The following JKAMP variants were observed in gnomAD, a reference collection of about 807,000 sequenced individuals.
JKAMP encodes JNK1/MAPK8 associated membrane protein.
In JKAMP, 20 loss-of-function variants were observed where a neutral mutation model predicts 40.2. The ratio of observed to expected loss-of-function variants is 0.50; its 90% confidence interval spans 0.35 to 0.72. JKAMP has a LOEUF of 0.72. Among genes scored for constraint, JKAMP ranks in the 30% least tolerant of loss-of-function variants. The pLI is 0.01. For synonymous variants in JKAMP, 138 were observed against 131.6 expected (o/e 1.05, Z -0.33); for missense variants, 276 against 373.0 (o/e 0.74, Z 2.14).
chr14:59,496,821 C>T (rs1891486644), intron 4 of JKAMP, among the ~76,000 whole-genome samples: 1 of 152,108 alleles, frequency 6.6e-6, no homozygotes, highest in African/African-American at 2.4e-5. Context: ...AGCTTGCCTG[C>T]CTTGTTTTAT....
At position 59,484,538 on chromosome 14, in the gene JKAMP, G is replaced by C; in HGVS notation, c.-52G>C. ...CGCTGTGGCCCGGATGTTCGGTGCAGCTGCCAGATCCGCTGATCTAGTGCT... is the reference window on the plus strand; with the variant it reads ...CGCTGTGGCCCGGATGTTCGGTGCACCTGCCAGATCCGCTGATCTAGTGCT... On this transcript the variant is annotated 5_prime_UTR_variant, in exon 1 of 7. Transcript: ENST00000616435. 1 of 1,560,418 alleles carries C rather than the reference G, an allele frequency of 6.4e-7. No homozygotes were observed. The highest frequency in any genetic ancestry group is 8.7e-7 in the Non-Finnish European group (1 of 1,152,050).
At chr14:59,486,495 A>G (rs1890584218) in intron 1 of JKAMP, among the ~76,000 whole-genome samples, 1 of 152,262 alleles carries the variant, frequency 6.6e-6, no homozygotes, top group Non-Finnish European at 1.5e-5. Context: ...GACCTTAATC[A>G]TAAGGCACGG....
At position 59,502,773 on chromosome 14, in the gene JKAMP, T is replaced by TTTTTTTTTTTTTTTTTTTTTG. The variant is rs796697193; in HGVS notation, c.718-1081_718-1080insTTTTTTTTTTTTTTTTTTTTG. ...AGATTTTTTTTTTTTTTTTTTTTTT[T>TTTTTTTTTTTTTTTTTTTTTG]CGGAGTCTCACTCTGTCGCTTAGGC... On this transcript the variant is annotated intron_variant, in intron 6 of 6. Transcript: ENST00000616435. Among the ~76,000 whole-genome samples, 75 of 102,824 alleles carry TTTTTTTTTTTTTTTTTTTTTG rather than the reference T, an allele frequency of 7.3e-4. 1 individual carries two copies. The highest frequency in any genetic ancestry group is 9.4e-4 in the Non-Finnish European group (51 of 54,362). The allele number at this position is 102,824 out of a possible 152,430, so 67.5% of individuals were successfully genotyped here. A position where few individuals can be genotyped will look rare whatever the true frequency, so the allele number is the denominator to read the frequency against.
At chr14:59,496,146 T>G (rs955954283) in intron 4 of JKAMP, among the ~76,000 whole-genome samples, 1 of 152,192 alleles carries the variant, frequency 6.6e-6, no homozygotes, top group African/African-American at 2.4e-5. Context: ...CCTTAAGTGA[T>G]CTACCCACCT....
In JKAMP at chr14:59,504,318, T is replaced by TG; in HGVS notation, c.*247dup. The TG allele has an allele frequency of 4.2e-6, 2 of 480,282 alleles. No individual in the cohort carries two copies. The highest frequency in any genetic ancestry group is 7.4e-6 in the Non-Finnish European group (2 of 271,274). The allele number at this position is 480,282 out of a possible 1,614,324, so 29.8% of individuals were successfully genotyped here. A position where few individuals can be genotyped will look rare whatever the true frequency, so the allele number is the denominator to read the frequency against. On this transcript the variant is annotated 3_prime_UTR_variant, in exon 7 of 7. Transcript: ENST00000616435. ...CACTGGAAGGCCGCTAGGAAGCCCTTGCTTCTCTCAACAGTTCAGCTGTTC... is the reference window on the plus strand; with the variant it reads ...CACTGGAAGGCCGCTAGGAAGCCCTTGGCTTCTCTCAACAGTTCAGCTGTTC...
chr14:59,501,962 CATCAT>C (rs1263354315), intron 6 of JKAMP, among the ~76,000 whole-genome samples: 4 of 152,038 alleles, frequency 2.6e-5, no homozygotes, highest in African/African-American at 9.7e-5. Flanking sequence ...TAGAATAGAA[CATCAT>C]ATCATAACGT....
chr14:59,492,622 G>T (rs1261889219), intron 3 of JKAMP, among the ~76,000 whole-genome samples: 4 of 152,192 alleles, frequency 2.6e-5, no homozygotes, highest in Non-Finnish European at 5.9e-5. Flanking sequence ...ATCATAAGCA[G>T]TGTTGCCTAG....
intron 6 of JKAMP, among the ~76,000 whole-genome samples, chr14:59,502,754 T>TTGTTTTGTTTTGTTTTG (rs1555339690): frequency 6.7e-5 from 2 of 29,780 alleles, no homozygotes; most frequent in Non-Finnish European, 9.1e-5. Context: ...AATGAGATTT[T>TTGTTTTGTTTTGTTTTG]TTTTTTTTTT....
chr14:59,489,617 T>A (rs1035872700), intron 3 of JKAMP, among the ~76,000 whole-genome samples: 3 of 152,272 alleles, frequency 2.0e-5, no homozygotes, highest in African/African-American at 7.2e-5. Flanking sequence ...GGTATCTTTA[T>A]AGCACTGCCC....
At chr14:59,495,250 C>A in intron 4 of JKAMP, 26 bp downstream of exon 4, 1 of 1,457,036 alleles carries the variant, frequency 6.9e-7, no homozygotes, top group Non-Finnish European at 9.4e-7. Context: ...GACTTAAGAT[C>A]ATTGTTTTTT....
Position 59,498,752 on chromosome 14 carries a change from G to A in JKAMP, c.484G>A (p.Ala162Thr), listed in dbSNP as rs760970678. Residue 162 changes from alanine to threonine, a missense_variant, in exon 5 of 7, where the codon GCA becomes ACA. By Grantham distance (58) the Ala-to-Thr change is moderately conservative (BLOSUM62 0). Coordinates refer to ENST00000616435, the MANE Select transcript of JKAMP (RefSeq NM_016475.5). The stretch of plus-strand genomic sequence containing the variant: ...ATATACCATTGTATTTATCTATTAC[G>A]CATTCTGCTTGGTATTAATGATGCT... Reference protein sequence around the residue: ...PLYTIVFIYYAFCLVLMMLLR... With the variant: ...PLYTIVFIYYTFCLVLMMLLR... 15 of 1,569,090 alleles carry A rather than the reference G, an allele frequency of 9.6e-6. No individual in the cohort carries two copies. Among genetic ancestry groups the A allele is most frequent in the South Asian group, 3.4e-5 (3 of 87,390 alleles).
chr14:59,501,021 C>G lies in JKAMP; in HGVS notation c.641-170C>G, dbSNP rs1374244498. 7.1e-6 allele frequency: 4 copies of G among 561,736 alleles called. No individual in the cohort carries two copies. In the African/African-American group the frequency reaches 7.8e-5, roughly 11 times the overall value. 34.8% of individuals were successfully genotyped at this position (561,736 alleles called of 1,614,324 possible). A position where few individuals can be genotyped will look rare whatever the true frequency, so the allele number is the denominator to read the frequency against. ...GGCTGAAACTATTTACTATCTTGCC[C>G]TTTCCAGAAAAAGCTTGCTGGCCAC... On this transcript the variant is annotated intron_variant, in intron 5 of 6. Transcript: ENST00000616435.
In JKAMP at chr14:59,488,212, A is replaced by C. The variant is rs1890726368; in HGVS notation, c.251+384A>C. 2.0e-5 allele frequency among the ~76,000 whole-genome samples: 3 copies of C among 152,148 alleles called. No homozygotes were observed. The South Asian group carries it at 6.2e-4, about 32-fold the overall frequency. On this transcript the variant is annotated intron_variant, in intron 3 of 6. Coordinates refer to ENST00000616435, the MANE Select transcript of JKAMP (RefSeq NM_016475.5). ...GTTAAAAATGATATAGCTGTAACCT[A>C]ATACAAAAACTCATATTAACATATT...
At chr14:59,494,040 C>T (rs1286397893) in intron 3 of JKAMP, among the ~76,000 whole-genome samples, 4 of 151,962 alleles carry the variant, frequency 2.6e-5, no homozygotes, top group Admixed American at 6.6e-5. Flanking sequence ...TCCTACCTTA[C>T]GTTAGGCACA....
At position 59,498,714 on chromosome 14, in the gene JKAMP, T is replaced by C. The variant is rs1437641513; in HGVS notation, c.459-13T>C. 1.1e-5 allele frequency: 15 copies of C among 1,347,336 alleles called. No homozygotes were observed. Among genetic ancestry groups the C allele is most frequent in the Non-Finnish European group, 1.5e-5 (15 of 976,562 alleles). The allele number at this position is 1,347,336 out of a possible 1,614,324, so 83.5% of individuals were successfully genotyped here. The stretch of plus-strand genomic sequence containing the variant: ...CATTTTTGATGTTACAAATTCTTTA[T>C]TTTATTTTACAGATATACCATTGTA... On this transcript the variant is annotated splice_polypyrimidine_tract_variant and intron_variant, in intron 4 of 6. Coordinates refer to ENST00000616435, the MANE Select transcript of JKAMP (RefSeq NM_016475.5).
At chr14:59,503,737 AT>A (rs869226723) in intron 6 of JKAMP, 116 bp from the exon 7 acceptor site, 2 of 649,978 alleles carry the variant, frequency 3.1e-6, no homozygotes, top group Non-Finnish European at 4.9e-6. Flanking sequence ...TAGCTCAAAC[AT>A]TTTATGATTC....
At chr14:59,489,294 T>A (rs1890813633) in intron 3 of JKAMP, among the ~76,000 whole-genome samples, 1 of 152,266 alleles carries the variant, frequency 6.6e-6, no homozygotes, top group African/African-American at 2.4e-5. Flanking sequence ...TGTTGCTTAA[T>A]GATTTCTTCC....
intron 6 of JKAMP, among the ~76,000 whole-genome samples, chr14:59,501,938 T>C (rs1891912287): frequency 6.6e-6 from 1 of 152,216 alleles, no homozygotes; most frequent in Admixed American, 6.5e-5. Context: ...TTTGACACAT[T>C]TGTAGTCACT....
At chr14:59,487,622 T>C in intron 2 of JKAMP, 52 bp from the exon 3 acceptor site, 1 of 1,383,768 alleles carries the variant, frequency 7.2e-7, no homozygotes, top group East Asian at 2.3e-5. Context: ...GGGGGGGTGT[T>C]AATGTTGTAA....
Sources: allele counts gnomAD v4.1 joint callset (sites outside exome capture counted in the v4.1 genomes callset), GRCh38; gene constraint gnomAD v4.1.1; transcripts MANE v1.5; gene names NCBI Gene and HGNC (gene_info 2026-07-23, HGNC 2026-07-21).